The following EPHA6 variants were observed in gnomAD, a reference collection of about 807,000 sequenced individuals.
EPHA6 encodes ephrin type-A receptor 6.
A neutral mutation model predicts 112.0 loss-of-function variants in EPHA6; 50 were observed. That is an observed-to-expected ratio of 0.45 (90% CI 0.36 to 0.56). The LOEUF is 0.56. EPHA6 is among the 20% of genes least tolerant of loss of function. The probability of loss-of-function intolerance (pLI) is 0.00; values close to 1 mark genes in which losing one functional copy is unlikely to be tolerated. For synonymous variants in EPHA6, 529 were observed against 490.7 expected (o/e 1.08, Z -1.03); for missense variants, 1,280 against 1,417.4 (o/e 0.90, Z 1.56).
chr3:97,079,091 G>A (rs2046632502), intron 3 of EPHA6, among the ~76,000 whole-genome samples: 1 of 152,118 alleles, frequency 6.6e-6, no homozygotes, highest in Non-Finnish European at 1.5e-5. Context: ...GTTTACAATA[G>A]CAAAGGCATG....
Position 97,129,527 on chromosome 3 carries a change from A to C in EPHA6, c.1115-96737A>C, listed in dbSNP as rs182957389. On this transcript the variant is annotated intron_variant, in intron 3 of 17. Coordinates refer to ENST00000389672, the MANE Select transcript of EPHA6 (RefSeq NM_001080448.3). Reference sequence around the variant, plus strand: ...CAAAAACAAAAACAAACAAAAAAAAAAACAACAAAAAAAAGTACAGTGGTA... The same window carrying C: ...CAAAAACAAAAACAAACAAAAAAAACAACAACAAAAAAAAGTACAGTGGTA... Among the ~76,000 whole-genome samples the C allele has an allele frequency of 4.7e-3, 719 of 152,118 alleles. 7 individuals carry two copies. Among genetic ancestry groups the C allele is most frequent in the African/African-American group, 0.015 (632 of 41,464 alleles).
rs879639774 is a variant in EPHA6, at chr3:97,096,492, GT to G, written c.1114+108500del. ...ATAATGAGATTTACTGACTTCATAA[GT>G]ATTGAGAGTACTTGGCTTTCAACCT... On this transcript the variant is annotated intron_variant, in intron 3 of 17. Transcript: ENST00000389672. Among the ~76,000 whole-genome samples, 33 of 151,930 alleles carry G rather than the reference GT, an allele frequency of 2.2e-4. 1 individual carries two copies. Among genetic ancestry groups the G allele is most frequent in the Admixed American group, 2.1e-3 (32 of 15,216 alleles).
chr3:97,477,594 A>C (rs1238334774), intron 8 of EPHA6, among the ~76,000 whole-genome samples: 1 of 152,138 alleles, frequency 6.6e-6, no homozygotes, highest in Non-Finnish European at 1.5e-5. Flanking sequence ...TGTTGTATGT[A>C]AAGTCACAAT....
chr3:97,139,158 C>T (rs1185413752), intron 3 of EPHA6, among the ~76,000 whole-genome samples: 1 of 152,134 alleles, frequency 6.6e-6, no homozygotes, highest in African/African-American at 2.4e-5. Context: ...CTTGGTGGAA[C>T]ATTGGACATG....
At chr3:97,628,656 T>C (rs1199201981) in intron 13 of EPHA6, among the ~76,000 whole-genome samples, 1 of 152,006 alleles carries the variant, frequency 6.6e-6, no homozygotes, top group Non-Finnish European at 1.5e-5. Flanking sequence ...TTGAAGAGTT[T>C]CCTTGAGCAA....
chr3:97,031,111 G>A (rs367660612), intron 3 of EPHA6, among the ~76,000 whole-genome samples: 52 of 152,120 alleles, frequency 3.4e-4, no homozygotes, highest in African/African-American at 1.2e-3. Context: ...TAGGCCAATG[G>A]AATAGAACAG....
chr3:97,525,624 T>C lies in EPHA6; in HGVS notation c.2201-6734T>C, dbSNP rs556071348. 7.2e-5 allele frequency among the ~76,000 whole-genome samples: 11 copies of C among 152,352 alleles called. No individual in the cohort carries two copies. In the East Asian group the frequency reaches 2.1e-3, roughly 29 times the overall value. ...GAGCTAACTCCTCTTTCACTCTTTA[T>C]AGAATAGATTTGACAAACTAAAATT... is the stretch of plus-strand genomic sequence containing the variant. On this transcript the variant is annotated intron_variant, in intron 10 of 17. Transcript: ENST00000389672.
At chr3:97,013,973 C>T (rs1415255732) in intron 3 of EPHA6, among the ~76,000 whole-genome samples, 7 of 152,026 alleles carry the variant, frequency 4.6e-5, no homozygotes, top group African/African-American at 1.7e-4. Context: ...CTGCCCTCTC[C>T]ACCACCCAAT....
intron 15 of EPHA6, among the ~76,000 whole-genome samples, chr3:97,726,911 G>A (rs1261638542): frequency 6.6e-6 from 1 of 152,022 alleles, no homozygotes; most frequent in Admixed American, 6.6e-5. Flanking sequence ...AAAAAGTAGC[G>A]ACACTTAAAT....
At chr3:97,639,243 A>C (rs909922792) in intron 14 of EPHA6, among the ~76,000 whole-genome samples, 1 of 151,998 alleles carries the variant, frequency 6.6e-6, no homozygotes, top group African/African-American at 2.4e-5. Context: ...CATAAAAATA[A>C]AAGTCTATCA....
intron 5 of EPHA6, among the ~76,000 whole-genome samples, chr3:97,316,947 C>A (rs1389033791): frequency 6.6e-6 from 1 of 151,776 alleles, no homozygotes; most frequent in Non-Finnish European, 1.5e-5. Context: ...TCAGTTGTTT[C>A]ATCTCTGAAA....
chr3:97,208,037 C>T (rs1250345506), intron 3 of EPHA6, among the ~76,000 whole-genome samples: 1 of 152,124 alleles, frequency 6.6e-6, no homozygotes, highest in Non-Finnish European at 1.5e-5. Flanking sequence ...CTGACATGCC[C>T]TAGTCTCTGG....
intron 14 of EPHA6, among the ~76,000 whole-genome samples, chr3:97,657,939 C>T (rs1350093415): frequency 6.6e-6 from 1 of 151,742 alleles, no homozygotes; most frequent in Non-Finnish European, 1.5e-5. Flanking sequence ...ATTATTTCCT[C>T]CTCCAGCCTT....
intron 3 of EPHA6, among the ~76,000 whole-genome samples, chr3:97,006,499 T>C (rs760569333): frequency 3.9e-4 from 59 of 152,058 alleles, no homozygotes; most frequent in Non-Finnish European, 1.5e-5. Flanking sequence ...TTCTCTGTCT[T>C]CTTCTTTGCT....
At chr3:96,893,157 C>T (rs1464117038) in intron 2 of EPHA6, among the ~76,000 whole-genome samples, 1 of 152,094 alleles carries the variant, frequency 6.6e-6, no homozygotes, top group Non-Finnish European at 1.5e-5. Flanking sequence ...CTGATGTAAA[C>T]AAACCTACTG....
chr3:97,398,867 TG>T (rs1450152489), intron 5 of EPHA6, among the ~76,000 whole-genome samples: 3 of 151,512 alleles, frequency 2.0e-5, no homozygotes, highest in Non-Finnish European at 4.4e-5. Context: ...TAGGGTACAG[TG>T]TGATATTTTG....
At chr3:97,507,737 G>A (rs1361143835) in intron 10 of EPHA6, among the ~76,000 whole-genome samples, 2 of 152,110 alleles carry the variant, frequency 1.3e-5, no homozygotes, top group African/African-American at 4.8e-5. Flanking sequence ...AGAAGGAATG[G>A]TACCAGCTCC....
intron 11 of EPHA6, among the ~76,000 whole-genome samples, chr3:97,546,944 G>A (rs966988161): frequency 7.2e-5 from 11 of 152,266 alleles, no homozygotes; most frequent in African/African-American, 1.9e-4. Context: ...CTCTGCATTG[G>A]TTATTCTAGT....
chr3:96,983,952 A>G (rs976537695), intron 2 of EPHA6, among the ~76,000 whole-genome samples: 4 of 151,998 alleles, frequency 2.6e-5, no homozygotes, highest in Non-Finnish European at 4.4e-5. Flanking sequence ...TTAGCCATTC[A>G]TTTCATCTGT....
Sources: allele counts gnomAD v4.1 joint callset (sites outside exome capture counted in the v4.1 genomes callset), GRCh38; gene constraint gnomAD v4.1.1; transcripts MANE v1.5; gene names NCBI Gene and HGNC (gene_info 2026-07-23, HGNC 2026-07-21).